The following PRKAG2 variants were observed in gnomAD, a reference collection of about 807,000 sequenced individuals.
PRKAG2 encodes 5'-AMP-activated protein kinase subunit gamma-2.
A neutral mutation model predicts 69.6 loss-of-function variants in PRKAG2; 26 were observed. That is an observed-to-expected ratio of 0.37 (90% confidence interval 0.27 to 0.52). The LOEUF (loss-of-function observed/expected upper bound fraction) is 0.52, where lower values mean the gene tolerates loss of function less well. Among genes scored for constraint, PRKAG2 ranks in the 20% least tolerant of loss-of-function variants. PRKAG2 has a pLI of 0.90. For missense variants in PRKAG2, 557 were observed against 740.0 expected, an observed-to-expected ratio of 0.75 and a Z score of 2.87; for synonymous variants, 293 against 285.0, an observed-to-expected ratio of 1.03 and a Z score of -0.28.
At chr7:151,655,917 C>T (rs1387310623) in intron 4 of PRKAG2, among the ~76,000 whole-genome samples, 2 of 152,192 alleles carry the variant, frequency 1.3e-5, no homozygotes, top group East Asian at 3.8e-4. Context: ...AAACATACTA[C>T]CCAAATCTGG....
chr7:151,728,557 A>T (rs887497003), intron 3 of PRKAG2, among the ~76,000 whole-genome samples: 1 of 152,146 alleles, frequency 6.6e-6, no homozygotes, highest in Admixed American at 6.5e-5. Flanking sequence ...TCACTATTTT[A>T]AAAATACACC....
intron 3 of PRKAG2, among the ~76,000 whole-genome samples, chr7:151,730,975 C>G (rs568463955): frequency 1.3e-5 from 2 of 152,298 alleles, no homozygotes; most frequent in African/African-American, 4.8e-5. Context: ...GGATGAAACA[C>G]CAGCTTCCTG....
chr7:151,718,546 C>T (rs1796538536), intron 3 of PRKAG2, among the ~76,000 whole-genome samples: 1 of 150,494 alleles, frequency 6.6e-6, no homozygotes, highest in Non-Finnish European at 1.5e-5. Flanking sequence ...TCATGGTGGG[C>T]TCCTCTCGGA....
intron 3 of PRKAG2, among the ~76,000 whole-genome samples, chr7:151,743,236 C>T (rs952376778): frequency 6.6e-6 from 1 of 152,184 alleles, no homozygotes. Flanking sequence ...TTTTAAAGGG[C>T]CAGGGCCTTT....
intron 3 of PRKAG2, among the ~76,000 whole-genome samples, chr7:151,711,063 GACTT>G (rs1795225912): frequency 6.6e-6 from 1 of 152,098 alleles, no homozygotes; most frequent in Non-Finnish European, 1.5e-5. Flanking sequence ...GAGAGTGCTA[GACTT>G]AGAGTACTAA....
chr7:151,638,957 G>A lies in PRKAG2; in HGVS notation c.685-6819C>T, dbSNP rs1443613362. Among the ~76,000 whole-genome samples, 1 of 152,104 alleles carries A rather than the reference G, an allele frequency of 6.6e-6. No individual in the cohort carries two copies. Among genetic ancestry groups the A allele is most frequent in the African/African-American group, 2.4e-5 (1 of 41,420 alleles). On this transcript the variant is annotated intron_variant, in intron 4 of 15. Coordinates refer to ENST00000287878, the MANE Select transcript of PRKAG2 (RefSeq NM_016203.4). This position sits in a 1 kb window ranked among gnomAD's most constrained non-coding sequence, Gnocchi z 4.3. Reference sequence around the variant, plus strand: ...GAGCTCCACTCTGCTCTGCAAGGGCGTCCTCCAAAGAGTAAAGAACGACGT... The same window carrying A: ...GAGCTCCACTCTGCTCTGCAAGGGCATCCTCCAAAGAGTAAAGAACGACGT...
At chr7:151,604,816 C>T (rs1817125271) in intron 5 of PRKAG2, among the ~76,000 whole-genome samples, 1 of 152,194 alleles carries the variant, frequency 6.6e-6, no homozygotes, top group Non-Finnish European at 1.5e-5. Context: ...GACAGTTTCT[C>T]AGACCCTCCT....
chr7:151,633,514 C>T (rs921275807), intron 4 of PRKAG2, among the ~76,000 whole-genome samples: 4 of 151,558 alleles, frequency 2.6e-5, no homozygotes, highest in South Asian at 2.1e-4. Context: ...AAAGAATCTA[C>T]AAAAGAAAGA....
At chr7:151,647,579 A>C (rs1367367673) in intron 4 of PRKAG2, among the ~76,000 whole-genome samples, 1 of 152,222 alleles carries the variant, frequency 6.6e-6, no homozygotes, top group Non-Finnish European at 1.5e-5. Flanking sequence ...GGGAGCAAGG[A>C]AAGGTGGACA....
intron 3 of PRKAG2, among the ~76,000 whole-genome samples, chr7:151,688,019 G>GAGC (rs1835004874): frequency 6.8e-6 from 1 of 147,878 alleles, no homozygotes; most frequent in Non-Finnish European, 1.5e-5. Flanking sequence ...GAGGGAGGAG[G>GAGC]AGGAGGAGGA....
intron 6 of PRKAG2, among the ~76,000 whole-genome samples, chr7:151,587,391 A>G (rs2151094100): frequency 6.6e-6 from 1 of 152,252 alleles, no homozygotes; most frequent in South Asian, 2.1e-4. Flanking sequence ...CTCAGCCCTC[A>G]CGGAGGTGAA....
intron 1 of PRKAG2, among the ~76,000 whole-genome samples, chr7:151,863,023 C>G (rs1025159299): frequency 7.1e-6 from 1 of 141,658 alleles, no homozygotes; most frequent in African/African-American, 2.6e-5. Flanking sequence ...ACCCCAGGTG[C>G]AGGGGGCACT....
intron 14 of PRKAG2, among the ~76,000 whole-genome samples, chr7:151,562,023 G>A (rs1805111621): frequency 6.6e-6 from 1 of 150,900 alleles, no homozygotes; most frequent in Non-Finnish European, 1.5e-5. Context: ...GAGGTGGGCG[G>A]ATCACAAGAT....
chr7:151,795,432 C>T (rs987422736), intron 1 of PRKAG2, among the ~76,000 whole-genome samples: 17 of 151,620 alleles, frequency 1.1e-4, no homozygotes, highest in Non-Finnish European at 1.9e-4. Flanking sequence ...GGTGGCACTG[C>T]GGGCCCCAGC....
At chr7:151,588,824 C>A (rs1050360951) in intron 6 of PRKAG2, among the ~76,000 whole-genome samples, 16 of 152,188 alleles carry the variant, frequency 1.1e-4, no homozygotes, top group Admixed American at 9.8e-4. Context: ...TTATAAATTA[C>A]CCAGTCTCAG....
At chr7:151,763,822 G>A (rs1342831593) in intron 3 of PRKAG2, among the ~76,000 whole-genome samples, 1 of 152,242 alleles carries the variant, frequency 6.6e-6, no homozygotes, top group Non-Finnish European at 1.5e-5. Flanking sequence ...TATAGCTGCT[G>A]CCTGTGTCAC....
chr7:151,853,379 C>T (rs917312738), intron 1 of PRKAG2, among the ~76,000 whole-genome samples: 1 of 152,080 alleles, frequency 6.6e-6, no homozygotes, highest in Non-Finnish European at 1.5e-5. Flanking sequence ...AAATAATTTA[C>T]GTATATGTTT....
chr7:151,868,654 G>A (rs1341863241), intron 1 of PRKAG2, among the ~76,000 whole-genome samples: 1 of 152,224 alleles, frequency 6.6e-6, no homozygotes, highest in Non-Finnish European at 1.5e-5. Context: ...CACGTTCATT[G>A]GTCCCATTTT....
At position 151,576,384 on chromosome 7, in the gene PRKAG2, T is replaced by C. The variant is rs761702312; in HGVS notation, c.933A>G (p.Lys311=). 3 of 1,608,492 alleles carry C rather than the reference T, an allele frequency of 1.9e-6. No individual in the cohort carries two copies. The highest frequency in any genetic ancestry group is 1.7e-6 in the Non-Finnish European group (2 of 1,174,982). Residue 311 remains lysine (K), a synonymous_variant, in exon 7 of 16, where the codon AAA becomes AAG. Transcript: ENST00000287878. ...VRAAPLWESK[K]QSFVGMLTIT... is the part of the protein sequence containing the mutation. ...CACACTGCTTACCTACAAAACTTTG[T>C]TTTTTACTCTCCCACAGTGGCGCTG...
Sources: gnomAD v4.1 joint callset for allele counts (sites outside exome capture counted in the v4.1 genomes callset) on GRCh38, gnomAD v4.1.1 for gene constraint, Gnocchi (gnomAD v3.1) non-coding constraint, MANE v1.5 for transcripts, NCBI Gene and HGNC (gene_info 2026-07-23, HGNC 2026-07-21) for gene names.